ELF1: variants seen among roughly 807,000 people sequenced by gnomAD.
ELF1 encodes E74 like ETS transcription factor 1.
In ELF1, 24 loss-of-function variants were observed where a neutral mutation model predicts 59.9. The observed-to-expected ratio is 0.40, with a 90% CI of 0.29 to 0.56. The LOEUF (loss-of-function observed/expected upper bound fraction) is 0.56. Among genes scored for constraint, ELF1 ranks in the 20% least tolerant of loss-of-function variants. The probability of loss-of-function intolerance (pLI) is 0.44; values close to 1 mark genes in which losing one functional copy is unlikely to be tolerated. For synonymous variants in ELF1, 248 were observed against 266.2 expected (o/e 0.93, Z 0.67); for missense variants, 627 against 742.2 (o/e 0.84, Z 1.80).
intron 1 of ELF1, among the ~76,000 whole-genome samples, chr13:41,036,754 C>T (rs1045717242): frequency 1.2e-4 from 18 of 152,156 alleles, no homozygotes; most frequent in Non-Finnish European, 1.9e-4. Flanking sequence ...CACATATACA[C>T]CATGGAATAC....
chr13:40,953,108 C>T (rs1393604628), intron 3 of ELF1, among the ~76,000 whole-genome samples: 1 of 151,732 alleles, frequency 6.6e-6, no homozygotes, highest in African/African-American at 2.4e-5. Flanking sequence ...TCTTGAGTAG[C>T]TGGGAATACA....
At chr13:41,046,163 T>G (rs1477221399) in intron 1 of ELF1, among the ~76,000 whole-genome samples, 1 of 152,240 alleles carries the variant, frequency 6.6e-6, no homozygotes. Context: ...CCCTTTATTT[T>G]GAGCCTATGT....
chr13:41,010,599 A>G (rs1042355550), intron 1 of ELF1, among the ~76,000 whole-genome samples: 3 of 152,232 alleles, frequency 2.0e-5, no homozygotes, highest in South Asian at 2.1e-4. Context: ...TAATTATAAT[A>G]CATTTTAAAT....
At chr13:40,950,005 C>T in intron 4 of ELF1, 32 bp from the exon 5 acceptor site, 3 of 1,546,264 alleles carry the variant, frequency 1.9e-6, no homozygotes, top group South Asian at 2.4e-5. Context: ...AATTATAGTC[C>T]ACTGTGTATT....
chr13:40,983,552 C>T (rs1873396096), intron 1 of ELF1, among the ~76,000 whole-genome samples: 1 of 152,190 alleles, frequency 6.6e-6, no homozygotes, highest in Non-Finnish European at 1.5e-5. Context: ...TATTTCTACT[C>T]ACTACACTAA....
chr13:40,986,917 A>G (rs1408043772), intron 1 of ELF1, among the ~76,000 whole-genome samples: 1 of 146,596 alleles, frequency 6.8e-6, no homozygotes, highest in Non-Finnish European at 1.5e-5. Context: ...TCATAAATAT[A>G]TTTTTAGAAA....
chr13:41,017,966 C>T (rs560018767), intron 1 of ELF1, among the ~76,000 whole-genome samples: 6 of 151,944 alleles, frequency 3.9e-5, no homozygotes, highest in Admixed American at 6.6e-5. Context: ...CTTGTAAGAC[C>T]GCAAAATTGA....
rs1024393397 is a variant in ELF1 at position 40,933,574 on chromosome 13, TCTCTA to T, written c.1706_1710del (p.Val569GlufsTer5). On this transcript the variant is annotated frameshift_variant, in exon 9 of 9. Transcript: ENST00000239882. LOFTEE classifies it high-confidence loss of function. The stretch of plus-strand genomic sequence containing the variant: ...TTCAAATGATCTTCAGATTCCTTTT[TCTCTA>T]CTTCCTGTGTAAGAGTTTTTGTTTC... 6.2e-7 allele frequency: 1 copy of T among 1,614,124 alleles called. No individual in the cohort carries two copies. The highest frequency in any genetic ancestry group is 8.5e-7 in the Non-Finnish European group (1 of 1,180,054).
chr13:41,041,948 T>G (rs1225205625), intron 1 of ELF1, among the ~76,000 whole-genome samples: 1 of 152,256 alleles, frequency 6.6e-6, no homozygotes, highest in Non-Finnish European at 1.5e-5. Context: ...ATATTTGTAT[T>G]CAGTAGATCC....
chr13:41,051,723 A>G (rs1054243318), intron 1 of ELF1, among the ~76,000 whole-genome samples: 1 of 152,154 alleles, frequency 6.6e-6, no homozygotes, highest in Non-Finnish European at 1.5e-5. Flanking sequence ...CTCTGGATCA[A>G]AAAGTCACTA....
intron 1 of ELF1, among the ~76,000 whole-genome samples, chr13:40,994,903 A>G (rs1874053057): frequency 6.6e-6 from 1 of 152,252 alleles, no homozygotes; most frequent in Admixed American, 6.5e-5. Flanking sequence ...CCCCCATCTG[A>G]GAATACAGCA....
At chr13:40,950,781 G>A (rs1870801463) in intron 4 of ELF1, among the ~76,000 whole-genome samples, 1 of 152,202 alleles carries the variant, frequency 6.6e-6, no homozygotes, top group East Asian at 1.9e-4. Context: ...CTGCTCATTT[G>A]TATCTCATGT....
chr13:41,039,169 G>A (rs1413945922), intron 1 of ELF1, among the ~76,000 whole-genome samples: 2 of 151,956 alleles, frequency 1.3e-5, no homozygotes, highest in African/African-American at 4.8e-5. Context: ...GAAGGCCGAG[G>A]TAGGTGGATC....
At chr13:41,034,790 T>TAAA (rs368956919) in intron 1 of ELF1, among the ~76,000 whole-genome samples, 3,447 of 117,230 alleles carry the variant, frequency 0.029, 145 homozygotes, top group East Asian at 0.19. Context: ...ATATTCCTAT[T>TAAA]AAAAAAAAAA....
intron 1 of ELF1, among the ~76,000 whole-genome samples, chr13:41,060,663 G>C (rs1877511939): frequency 6.6e-6 from 1 of 152,186 alleles, no homozygotes; most frequent in African/African-American, 2.4e-5. Context: ...GGACAAGAAA[G>C]GAGCCAGAAC....
At chr13:41,057,415 ATGGAGTCTCTCTCTGTCTCCAAGGC>A in intron 1 of ELF1, among the ~76,000 whole-genome samples, 1 of 151,090 alleles carries the variant, frequency 6.6e-6, no homozygotes, top group Non-Finnish European at 1.5e-5. Flanking sequence ...CCACCCCGAG[ATGGAGTCTCTCTCTGTCTCCAAGGC>A]TGGAGTGCAG....
At chr13:40,952,065 A>G (rs556643506) in intron 3 of ELF1, among the ~76,000 whole-genome samples, 2 of 152,134 alleles carry the variant, frequency 1.3e-5, no homozygotes, top group Non-Finnish European at 2.9e-5. Context: ...CTTTCTTTAC[A>G]TTTCTGAGTT....
rs749668279 is a variant in ELF1 at position 41,061,386 on chromosome 13, C to T, written c.-777G>A. On this transcript the variant is annotated 5_prime_UTR_variant, in exon 1 of 2. Transcript: ENST00000405737. Reference sequence around the variant, plus strand: ...CAGCTCAGGTCCCGTCGCGCTTTTACCCCTTCCCGGTGACCTCAACCCCTT... The same window carrying T: ...CAGCTCAGGTCCCGTCGCGCTTTTATCCCTTCCCGGTGACCTCAACCCCTT... 5 of 546,954 alleles carry T rather than the reference C, an allele frequency of 9.1e-6. No homozygotes were observed. In the South Asian group the frequency reaches 1.1e-4, roughly 12 times the overall value. The allele number at this position is 546,954 out of a possible 1,614,324, so 33.9% of individuals were successfully genotyped here.
At chr13:41,042,672 T>C (rs1203138076) in intron 1 of ELF1, among the ~76,000 whole-genome samples, 2 of 152,182 alleles carry the variant, frequency 1.3e-5, no homozygotes, top group African/African-American at 4.8e-5. Context: ...TATTCCATGG[T>C]GTATATGTGC....
Sources: gnomAD v4.1 joint callset for allele counts (sites outside exome capture counted in the v4.1 genomes callset) on GRCh38, gnomAD v4.1.1 for gene constraint, MANE v1.5 for transcripts, NCBI Gene and HGNC (gene_info 2026-07-23, HGNC 2026-07-21) for gene names.